The following RAB3C variants were observed in gnomAD, a reference collection of about 807,000 sequenced individuals.
RAB3C encodes the protein ras-related protein Rab-3C.
In RAB3C, 17 loss-of-function variants were observed where a neutral mutation model predicts 26.4. That is an observed-to-expected ratio of 0.64 (90% CI 0.44 to 0.97). RAB3C has a LOEUF of 0.97. Among genes scored for constraint, RAB3C ranks in the 50% least tolerant of loss-of-function variants. The probability of loss-of-function intolerance (pLI) is 0.00; values close to 1 mark genes in which losing one functional copy is unlikely to be tolerated. For missense variants in RAB3C, 242 were observed against 281.9 expected, an observed-to-expected ratio of 0.86 and a Z score of 1.01; for synonymous variants, 91 against 95.9, an observed-to-expected ratio of 0.95 and a Z score of 0.30.
In RAB3C at chr5:58,737,417, AT is replaced by A. The variant is rs1579889278; in HGVS notation, c.371+11298del. 2.9e-4 allele frequency among the ~76,000 whole-genome samples: 25 copies of A among 87,574 alleles called. 1 individual carries two copies. The East Asian group carries it at 6.7e-3, about 24-fold the overall frequency. 57.5% of individuals were successfully genotyped at this position (87,574 alleles called of 152,430 possible). A position where few individuals can be genotyped will look rare whatever the true frequency, so the allele number is the denominator to read the frequency against. ...GAAATATATATATATATATATATAT[AT>A]ATATATATATATATATATATATATA... On this transcript the variant is annotated intron_variant, in intron 3 of 4. Transcript: ENST00000282878.
At chr5:58,754,598 C>T (rs1316884358) in intron 3 of RAB3C, among the ~76,000 whole-genome samples, 1 of 152,156 alleles carries the variant, frequency 6.6e-6, no homozygotes, top group Non-Finnish European at 1.5e-5. Context: ...TACCCAGTTA[C>T]CCAGTTACCG....
At chr5:58,745,538 G>A (rs983397276) in intron 3 of RAB3C, among the ~76,000 whole-genome samples, 5 of 151,964 alleles carry the variant, frequency 3.3e-5, no homozygotes, top group Admixed American at 3.3e-4. Context: ...TCAGAACAAA[G>A]GGCTCCTTTC....
At chr5:58,775,152 AC>A (rs1282116991) in intron 3 of RAB3C, among the ~76,000 whole-genome samples, 2 of 152,148 alleles carry the variant, frequency 1.3e-5, no homozygotes, top group Non-Finnish European at 2.9e-5. Flanking sequence ...CTCATTTGCC[AC>A]CACATTTGTC....
chr5:58,853,718 T>A lies in RAB3C; in HGVS notation c.*2367T>A, dbSNP rs1486155773. The stretch of plus-strand genomic sequence containing the variant: ...GCCCAAATGTCATTGCCAAGAAACA[T>A]CTGATACTTTCTAATTTCTAAACCC... On this transcript the variant is annotated 3_prime_UTR_variant, in exon 5 of 5. Transcript: ENST00000282878. 6.6e-6 allele frequency: 1 copy of A among 152,156 alleles called. No homozygotes were observed. Among genetic ancestry groups the A allele is most frequent in the African/African-American group, 2.4e-5 (1 of 41,440 alleles). 9.4% of individuals were successfully genotyped at this position (152,156 alleles called of 1,614,324 possible).
rs767643074 is a variant in RAB3C, at chr5:58,857,185, G to C, written c.*5834G>C. The stretch of plus-strand genomic sequence containing the variant: ...GTGTGAGATGCTTTGATAGCTGTGT[G>C]ACTTATTCAAATGATTTTCTTGTAG... On this transcript the variant is annotated 3_prime_UTR_variant, in exon 5 of 5. Coordinates refer to ENST00000282878, the MANE Select transcript of RAB3C (RefSeq NM_138453.4). 1 of 152,276 alleles carries C rather than the reference G, an allele frequency of 6.6e-6. No individual in the cohort carries two copies. Among genetic ancestry groups the C allele is most frequent in the East Asian group, 1.9e-4 (1 of 5,194 alleles). The allele number at this position is 152,276 out of a possible 1,614,324, so 9.4% of individuals were successfully genotyped here. A position where few individuals can be genotyped will look rare whatever the true frequency, so the allele number is the denominator to read the frequency against.
intron 2 of RAB3C, among the ~76,000 whole-genome samples, chr5:58,666,161 A>ACC (rs1747998111): frequency 1.3e-5 from 2 of 152,296 alleles, no homozygotes; most frequent in African/African-American, 4.8e-5. Context: ...GACAGCTATA[A>ACC]TTATTTGGTT....
At chr5:58,742,694 T>A (rs1028395856) in intron 3 of RAB3C, among the ~76,000 whole-genome samples, 1 of 152,242 alleles carries the variant, frequency 6.6e-6, no homozygotes, top group African/African-American at 2.4e-5. Context: ...TATGGTAATT[T>A]ATGTAAATCT....
Position 58,637,458 on chromosome 5 carries a change from G to A in RAB3C, c.252+19588G>A, listed in dbSNP as rs150230618. Among the ~76,000 whole-genome samples the A allele has an allele frequency of 5.5e-3, 834 of 152,174 alleles. 8 individuals are homozygous for A. Among genetic ancestry groups the A allele is most frequent in the African/African-American group, 0.019 (788 of 41,530 alleles). On this transcript the variant is annotated intron_variant, in intron 2 of 4. Transcript: ENST00000282878. ...GTGATTTCTATCCCCGAAGACTCCAGATTTTTTCTGGGATTTTCCTATAAA... is the reference window on the plus strand; with the variant it reads ...GTGATTTCTATCCCCGAAGACTCCAAATTTTTTCTGGGATTTTCCTATAAA...
chr5:58,641,725 A>G (rs1028105054), intron 2 of RAB3C, among the ~76,000 whole-genome samples: 4 of 152,164 alleles, frequency 2.6e-5, no homozygotes, highest in African/African-American at 4.8e-5. Context: ...TCCCTTCAGC[A>G]CCATCTAGGT....
chr5:58,818,752 G>C lies in RAB3C; in HGVS notation c.372-6286G>C, dbSNP rs547556500. ...TGACAGCCACTCGCTTTCAGTGTGT[G>C]TCTCTACCCAACAAAGAAATAAGAC... On this transcript the variant is annotated intron_variant, in intron 3 of 4. Transcript: ENST00000282878. Among the ~76,000 whole-genome samples, 228 of 152,292 alleles carry C rather than the reference G, an allele frequency of 1.5e-3. 1 individual carries two copies. The highest frequency in any genetic ancestry group is 5.3e-3 in the African/African-American group (221 of 41,566).
At chr5:58,679,381 A>T (rs1748300620) in intron 2 of RAB3C, among the ~76,000 whole-genome samples, 1 of 152,192 alleles carries the variant, frequency 6.6e-6, no homozygotes, top group Non-Finnish European at 1.5e-5. Context: ...CTTAAGCTTA[A>T]TTGTGAATAC....
chr5:58,848,036 T>C (rs1744041176), intron 4 of RAB3C, among the ~76,000 whole-genome samples: 1 of 152,120 alleles, frequency 6.6e-6, no homozygotes. Flanking sequence ...TTTGTATTTT[T>C]AGTAGAGGCA....
At chr5:58,614,907 C>T (rs1045673180) in intron 1 of RAB3C, among the ~76,000 whole-genome samples, 5 of 151,936 alleles carry the variant, frequency 3.3e-5, no homozygotes, top group African/African-American at 1.2e-4. Flanking sequence ...AGAATAATAA[C>T]CACTGTTTAC....
chr5:58,693,263 A>C (rs1250238415), intron 2 of RAB3C, among the ~76,000 whole-genome samples: 1 of 145,140 alleles, frequency 6.9e-6, no homozygotes, highest in African/African-American at 2.5e-5. Flanking sequence ...AATTATATAA[A>C]TATAATTAAG....
chr5:58,681,511 A>G (rs1748342701), intron 2 of RAB3C, among the ~76,000 whole-genome samples: 1 of 152,238 alleles, frequency 6.6e-6, no homozygotes, highest in South Asian at 2.1e-4. Context: ...AAAAATTAAG[A>G]TGAAGTGTCA....
intron 2 of RAB3C, among the ~76,000 whole-genome samples, chr5:58,658,953 G>A (rs1186922297): frequency 6.6e-6 from 1 of 152,186 alleles, no homozygotes; most frequent in African/African-American, 2.4e-5. Flanking sequence ...GCCAGAGCAA[G>A]TCGCAAGTCC....
At chr5:58,755,702 C>T (rs191846504) in intron 3 of RAB3C, among the ~76,000 whole-genome samples, 1 of 152,304 alleles carries the variant, frequency 6.6e-6, no homozygotes, top group East Asian at 1.9e-4. Context: ...GTCAGAGTCT[C>T]TCTCATTCTA....
At chr5:58,707,988 C>CTTTTTTT (rs35213627) in intron 2 of RAB3C, among the ~76,000 whole-genome samples, 1 of 142,568 alleles carries the variant, frequency 7.0e-6, no homozygotes. Flanking sequence ...TCTTTCTTTC[C>CTTTTTTT]TTTTTTTTTT....
intron 3 of RAB3C, among the ~76,000 whole-genome samples, chr5:58,807,609 G>A (rs1742971774): frequency 6.6e-6 from 1 of 152,148 alleles, no homozygotes; most frequent in South Asian, 2.1e-4. Flanking sequence ...TTCTCACATG[G>A]TAGAGAGAGA....
Sources: allele counts gnomAD v4.1 joint callset (sites outside exome capture counted in the v4.1 genomes callset), GRCh38; gene constraint gnomAD v4.1.1; transcripts MANE v1.5; gene names NCBI Gene and HGNC (gene_info 2026-07-23, HGNC 2026-07-21).